TIE1: variants seen among roughly 807,000 people sequenced by gnomAD.
TIE1 encodes the protein tyrosine-protein kinase receptor Tie-1.
TIE1 carries 89 observed loss-of-function variants against 130.5 expected under a neutral mutation model. That is an observed-to-expected ratio of 0.68 (90% confidence interval 0.57 to 0.81). TIE1 has a LOEUF of 0.81. Among genes scored for constraint, TIE1 ranks in the 40% least tolerant of loss-of-function variants. The pLI, the probability that TIE1 is intolerant of heterozygous loss-of-function variation, is 0.00. For missense variants in TIE1, 1,392 were observed against 1,559.8 expected (o/e 0.89, Z 1.81); for synonymous variants, 568 against 629.4 (o/e 0.90, Z 1.46).
intron 19 of TIE1, among the ~76,000 whole-genome samples, chr1:43,321,051 A>AC (rs1646913664): frequency 2.9e-5 from 3 of 104,032 alleles, no homozygotes; most frequent in Non-Finnish European, 6.4e-5. Flanking sequence ...AAAAAAAAAA[A>AC]AAACAAAACA....
Position 43,321,382 on chromosome 1 carries a change from G to GT in TIE1, c.3149-13dup. On this transcript the variant is annotated splice_polypyrimidine_tract_variant and intron_variant, in intron 20 of 22. Transcript: ENST00000372476. ...TGGAGCCCTGGACCGAGAGCACTTTGTCCCCTCCTGCAGGAGGTACACCCT... is the reference window on the plus strand; with the variant it reads ...TGGAGCCCTGGACCGAGAGCACTTTGTTCCCCTCCTGCAGGAGGTACACCCT... 6.2e-7 allele frequency: 1 copy of GT among 1,613,846 alleles called. No individual in the cohort carries two copies. Among genetic ancestry groups the GT allele is most frequent in the Non-Finnish European group, 8.5e-7 (1 of 1,179,874 alleles).
chr1:43,312,798 C>T lies in TIE1; in HGVS notation c.1927+197C>T, dbSNP rs954097394. Among the ~76,000 whole-genome samples, 2 of 149,810 alleles carry T rather than the reference C, an allele frequency of 1.3e-5. No homozygotes were observed. Among genetic ancestry groups the T allele is most frequent in the African/African-American group, 5.1e-5 (2 of 39,246 alleles). On this transcript the variant is annotated intron_variant, in intron 12 of 22. Transcript: ENST00000372476. This position sits in a 1 kb window ranked among gnomAD's most constrained non-coding sequence, Gnocchi z 5.6. ...GAAGATCCAGGGTACCAGGAGGACACAGATCACCAGGAGCATGTGGGGAGA... is the reference window on the plus strand; with the variant it reads ...GAAGATCCAGGGTACCAGGAGGACATAGATCACCAGGAGCATGTGGGGAGA...
rs1346207081 is a variant in TIE1 at position 43,309,041 on chromosome 1, G to A, written c.1098G>A (p.Thr366=). The A allele has an allele frequency of 1.7e-5, 27 of 1,613,920 alleles. No homozygotes were observed. Among genetic ancestry groups the A allele is most frequent in the East Asian group, 2.2e-5 (1 of 44,892 alleles). The change falls in exon 8 of 23, where the codon ACG becomes ACA. Residue 366 remains threonine, a synonymous_variant. Transcript: ENST00000372476. This position sits in a 1 kb window ranked among gnomAD's most constrained non-coding sequence, Gnocchi z 6.3. ...MASELEFNLE[T]MPRINCAAAG... Reference sequence around the variant, plus strand: ...CAGAACTGGAGTTCAACTTAGAGACGATGCCCCGGATCAACTGTGCAGCTG... The same window carrying A: ...CAGAACTGGAGTTCAACTTAGAGACAATGCCCCGGATCAACTGTGCAGCTG...
chr1:43,317,121 C>T lies in TIE1; in HGVS notation c.2410-78C>T, dbSNP rs760576596. On this transcript the variant is annotated intron_variant, in intron 14 of 22. Coordinates refer to ENST00000372476, the MANE Select transcript of TIE1 (RefSeq NM_005424.5). The surrounding 1 kb of genome is among the most constrained non-coding windows in gnomAD (Gnocchi z 5.1). ...CACTTGTCTGACACTGAAACCTCCT[C>T]GTGTGCCTGTCTGTGCCTCCTTCCG... 1.2e-5 allele frequency: 18 copies of T among 1,469,136 alleles called. No individual in the cohort carries two copies. The highest frequency in any genetic ancestry group is 3.4e-5 in the Admixed American group (2 of 59,658). 91.0% of individuals were successfully genotyped at this position (1,469,136 alleles called of 1,614,324 possible).
At position 43,318,073 on chromosome 1, in the gene TIE1, G is replaced by T. The variant is rs1489526559; in HGVS notation, c.2922+1G>T. The T allele has an allele frequency of 6.5e-7, 1 of 1,535,170 alleles. No individual in the cohort carries two copies. Among genetic ancestry groups the T allele is most frequent in the Non-Finnish European group, 8.8e-7 (1 of 1,140,598 alleles). On this transcript the variant is annotated splice_donor_variant, in intron 17 of 22. Coordinates refer to ENST00000372476, the MANE Select transcript of TIE1 (RefSeq NM_005424.5). LOFTEE classifies it high-confidence loss of function. The surrounding 1 kb of genome is among the most constrained non-coding windows in gnomAD (Gnocchi z 4.4). ...CATGCAGTACCTGAGTGAGAAGCAG[G>T]TGTGTGTGAGTGGGGGCGGGTGGAG...
chr1:43,303,613 G>A (rs891306276), intron 1 of TIE1, among the ~76,000 whole-genome samples: 7 of 152,092 alleles, frequency 4.6e-5, no homozygotes, highest in South Asian at 4.1e-4. Flanking sequence ...AGGCAGGCTC[G>A]CAGGCTCTCC....
intron 10 of TIE1, 67 bp downstream of exon 10, chr1:43,311,896 G>A (rs61478604): frequency 6.3e-7 from 1 of 1,578,536 alleles, no homozygotes; most frequent in Non-Finnish European, 8.6e-7. Context: ...CAGTGAGCAG[G>A]AGAGGGAGGG....
At position 43,313,189 on chromosome 1, in the gene TIE1, A is replaced by C; in HGVS notation, c.1982A>C (p.Gln661Pro). 1.9e-6 allele frequency: 3 copies of C among 1,613,608 alleles called. No individual in the cohort carries two copies. Among genetic ancestry groups the C allele is most frequent in the Non-Finnish European group, 2.5e-6 (3 of 1,179,826 alleles). Reference protein sequence around the residue: ...HAQALSDSEIQLTWKHPEALP... With the variant: ...HAQALSDSEIPLTWKHPEALP... ...CAGGCCCTCTCAGACTCCGAGATCC[A>C]GCTGACATGGAAGCACCCGGAGGCT... Residue 661 changes from glutamine to proline, a missense_variant, in exon 13 of 23, where the codon CAG becomes CCG. Physicochemically the swap from Gln to Pro is moderately conservative, Grantham distance 76. Around this residue, in one of 6 missense-constraint regions of TIE1, gnomAD observed 551 missense variants for 565.5 expected, o/e 0.97. Transcript: ENST00000372476. The surrounding 1 kb of genome is among the most constrained non-coding windows in gnomAD (Gnocchi z 6.2).
chr1:43,312,239 G>T lies in TIE1; in HGVS notation c.1631-66G>T. On this transcript the variant is annotated intron_variant, in intron 11 of 22. Coordinates refer to ENST00000372476, the MANE Select transcript of TIE1 (RefSeq NM_005424.5). This position sits in a 1 kb window ranked among gnomAD's most constrained non-coding sequence, Gnocchi z 5.6. ...GAGGTTGTTCTTCCTTGTTCACTGG[G>T]GATCATTGTCCTGTCCAGCCCCAAG... 1 of 1,512,476 alleles carries T rather than the reference G, an allele frequency of 6.6e-7. No homozygotes were observed. The highest frequency in any genetic ancestry group is 1.3e-5 in the South Asian group (1 of 74,484). The allele number at this position is 1,512,476 out of a possible 1,614,324, so 93.7% of individuals were successfully genotyped here.
At chr1:43,308,926 C>G (rs1488191559) in intron 7 of TIE1, 60 bp from the exon 8 acceptor site, 2 of 1,611,888 alleles carry the variant, frequency 1.2e-6, no homozygotes, top group South Asian at 2.2e-5. Context: ...ATGAGGGGCG[C>G]TTTGGTGGTC....
Position 43,300,985 on chromosome 1 carries a change from C to A in TIE1, c.-87C>A. The A allele has an allele frequency of 7.0e-7, 1 of 1,436,340 alleles. No individual in the cohort carries two copies. Among genetic ancestry groups the A allele is most frequent in the Non-Finnish European group, 9.6e-7 (1 of 1,041,988 alleles). 89.0% of individuals were successfully genotyped at this position (1,436,340 alleles called of 1,614,324 possible). On this transcript the variant is annotated 5_prime_UTR_variant, in exon 1 of 23. In the 5' UTR this introduces an upstream ATG that the reference lacks. Coordinates refer to ENST00000372476, the MANE Select transcript of TIE1 (RefSeq NM_005424.5). ...TCTTCCTCCCCAGCACCGACCCACA[C>A]TGACCAACACAGGCTGAGCAGTCAG...
rs767428721 is a variant in TIE1, at chr1:43,313,146, C to T, written c.1939C>T (p.Pro647Ser). 1.9e-6 allele frequency: 3 copies of T among 1,604,072 alleles called. No individual in the cohort carries two copies. Among genetic ancestry groups the T allele is most frequent in the South Asian group, 2.2e-5 (2 of 89,266 alleles). The part of the protein sequence containing the change: ...VLLPPSGPPA[P>S]RHLHAQALSD... ...CACCATCTCCCCAGGGCCTCCAGCC[C>T]CCCGACACCTCCACGCCCAGGCCCT... is the stretch of plus-strand genomic sequence containing the variant. The change falls in exon 13 of 23, where the codon CCC becomes TCC. Residue 647 changes from proline to serine, a missense_variant. Transcript: ENST00000372476. The surrounding 1 kb of genome is among the most constrained non-coding windows in gnomAD (Gnocchi z 6.2).
rs1320945056 is a variant in TIE1 at position 43,308,999 on chromosome 1, G to T, written c.1056G>T (p.Gln352His). ...CTTTCTCCCCAGACCGGATCCCCCAGATCCTCAACATGGCCTCAGAACTGG... is the reference window on the plus strand; with the variant it reads ...CTTTCTCCCCAGACCGGATCCCCCATATCCTCAACATGGCCTCAGAACTGG... The part of the protein sequence containing the change: ...VHCEKSDRIP[Q>H]ILNMASELEF... Residue 352 changes from glutamine (Q) to histidine (H), a missense_variant, in exon 8 of 23, where the codon CAG becomes CAT. This residue lies in a region of TIE1 where 551 missense variants were observed against 565.5 expected (regional missense o/e 0.97). Transcript: ENST00000372476. The T allele has an allele frequency of 6.2e-7, 1 of 1,614,028 alleles. No individual in the cohort carries two copies. The highest frequency in any genetic ancestry group is 1.1e-5 in the South Asian group (1 of 91,074).
In TIE1 at chr1:43,309,511, C is replaced by T. The variant is rs1370034785; in HGVS notation, c.1312C>T (p.Arg438Cys). Residue 438 changes from arginine (R) to cysteine (C), a missense_variant, in exon 9 of 23, where the codon CGC (arginine) becomes TGC (cysteine). Arg to Cys is a radical substitution (Grantham distance 180, BLOSUM62 -3). This residue lies in a region of TIE1 where 551 missense variants were observed against 565.5 expected (regional missense o/e 0.97). Transcript: ENST00000372476. This position sits in a 1 kb window ranked among gnomAD's most constrained non-coding sequence, Gnocchi z 6.3. ...CACATCTGGCGGCCAAGACAGCCGG[C>T]GCTTCAAGGTCAATGTGAAAGGTCA... The part of the protein sequence containing the change: ...VSTSGGQDSR[R>C]FKVNVKVPPV... 12 of 1,593,398 alleles carry T rather than the reference C, an allele frequency of 7.5e-6. No homozygotes were observed. Among genetic ancestry groups the T allele is most frequent in the Admixed American group, 3.6e-5 (2 of 55,550 alleles).
In TIE1 at chr1:43,307,256, G is replaced by C. The variant is rs1338471426; in HGVS notation, c.755G>C (p.Gly252Ala). Reference sequence around the variant, plus strand: ...TGTGTATGCCCCCCTGGCTTCACTGGCACCCGCTGTGAACAGGGTAAGGAG... The same window carrying C: ...TGTGTATGCCCCCCTGGCTTCACTGCCACCCGCTGTGAACAGGGTAAGGAG... ...GECVCPPGFT[G>A]TRCEQACREG... Residue 252 changes from glycine to alanine, a missense_variant, in exon 5 of 23, where the codon GGC becomes GCC. By Grantham distance (60) the Gly-to-Ala change is moderately conservative. Transcript: ENST00000372476. The surrounding 1 kb of genome is among the most constrained non-coding windows in gnomAD (Gnocchi z 5.4). The C allele has an allele frequency of 1.2e-5, 19 of 1,613,976 alleles. No homozygotes were observed. Among genetic ancestry groups the C allele is most frequent in the Middle Eastern group, 1.6e-4 (1 of 6,084 alleles).
In TIE1 at chr1:43,318,215, G is replaced by T; in HGVS notation, c.2922+143G>T. The T allele has an allele frequency of 1.8e-6, 2 of 1,096,076 alleles. No individual in the cohort carries two copies. The highest frequency in any genetic ancestry group is 2.5e-6 in the Non-Finnish European group (2 of 796,202). 67.9% of individuals were successfully genotyped at this position (1,096,076 alleles called of 1,614,324 possible). ...TGGGTGGGTGCAAGCACAGCGAGGA[G>T]GCAGGGCCAAGGGGCAGGTCTGGAG... is the stretch of plus-strand genomic sequence containing the variant. On this transcript the variant is annotated intron_variant, in intron 17 of 22. Coordinates refer to ENST00000372476, the MANE Select transcript of TIE1 (RefSeq NM_005424.5). The surrounding 1 kb of genome is among the most constrained non-coding windows in gnomAD (Gnocchi z 4.4).
rs779962592 is a variant in TIE1 at position 43,319,398 on chromosome 1, C to T, written c.3036+50C>T. 2 of 1,612,028 alleles carry T rather than the reference C, an allele frequency of 1.2e-6. No individual in the cohort carries two copies. The highest frequency in any genetic ancestry group is 2.2e-5 in the East Asian group (1 of 44,864). On this transcript the variant is annotated intron_variant, in intron 18 of 22. Transcript: ENST00000372476. This position sits in a 1 kb window ranked among gnomAD's most constrained non-coding sequence, Gnocchi z 4.7. ...TTAGGGCTTGTGCCTGGCCCTGCCC[C>T]ACAGGAGCCTCAAACAGGCCCTTCC...
Position 43,313,036 on chromosome 1 carries a change from C to A in TIE1, c.1928-99C>A. ...TGGCAGGGTGGCCCCTGTGCTTGGA[C>A]CCACAGAGGAGGGAGCACAGCTAGA... On this transcript the variant is annotated intron_variant, in intron 12 of 22. Transcript: ENST00000372476. This position sits in a 1 kb window ranked among gnomAD's most constrained non-coding sequence, Gnocchi z 6.2. The A allele has an allele frequency of 7.2e-7, 1 of 1,398,564 alleles. No individual in the cohort carries two copies. Among genetic ancestry groups the A allele is most frequent in the Non-Finnish European group, 9.7e-7 (1 of 1,033,130 alleles). The allele number at this position is 1,398,564 out of a possible 1,614,324, so 86.6% of individuals were successfully genotyped here.
Position 43,312,235 on chromosome 1 carries a change from C to T in TIE1, c.1631-70C>T. 6.6e-7 allele frequency: 1 copy of T among 1,513,484 alleles called. No homozygotes were observed. The allele number at this position is 1,513,484 out of a possible 1,614,324, so 93.8% of individuals were successfully genotyped here. On this transcript the variant is annotated intron_variant, in intron 11 of 22. Transcript: ENST00000372476. This position sits in a 1 kb window ranked among gnomAD's most constrained non-coding sequence, Gnocchi z 5.6. ...ACTGGAGGTTGTTCTTCCTTGTTCA[C>T]TGGGGATCATTGTCCTGTCCAGCCC...
Sources: allele counts gnomAD v4.1 joint callset (sites outside exome capture counted in the v4.1 genomes callset), GRCh38; gene constraint gnomAD v4.1.1; regional missense constraint gnomAD v4.1.1; non-coding constraint Gnocchi (gnomAD v3.1); transcripts MANE v1.5; gene names NCBI Gene and HGNC (gene_info 2026-07-23, HGNC 2026-07-21).